Variants in ITGA8 observed in about 807,000 individuals in gnomAD.
ITGA8 encodes the protein integrin subunit alpha 8, also known as integrin alpha-8.
A neutral mutation model predicts 142.3 loss-of-function variants in ITGA8; 91 were observed. The ratio of observed to expected loss-of-function variants is 0.64; its 90% CI spans 0.54 to 0.76. The LOEUF is 0.76. Among genes scored for constraint, ITGA8 ranks in the 30% least tolerant of loss-of-function variants. The probability of loss-of-function intolerance (pLI) is 0.00; values close to 1 mark genes in which losing one functional copy is unlikely to be tolerated. For missense variants in ITGA8, 1,406 were observed against 1,327.7 expected (o/e 1.06, Z -0.92); for synonymous variants, 505 against 485.2 (o/e 1.04, Z -0.54).
At chr10:15,690,173 C>G (rs1161285219) in intron 2 of ITGA8, among the ~76,000 whole-genome samples, 3 of 152,142 alleles carry the variant, frequency 2.0e-5, no homozygotes, top group African/African-American at 7.2e-5. Flanking sequence ...CTGAGGCTCC[C>G]CACCTCCCTG....
chr10:15,645,645 T>C (rs1241133719), intron 12 of ITGA8, among the ~76,000 whole-genome samples: 1 of 152,198 alleles, frequency 6.6e-6, no homozygotes, highest in East Asian at 1.9e-4. Context: ...TGGCCAAATA[T>C]ACTAATGAAT....
At chr10:15,636,949 A>T (rs557434317) in intron 13 of ITGA8, among the ~76,000 whole-genome samples, 1 of 152,328 alleles carries the variant, frequency 6.6e-6, no homozygotes, top group South Asian at 2.1e-4. Flanking sequence ...GTTCGAGACC[A>T]GCCTGGCCAA....
intron 8 of ITGA8, among the ~76,000 whole-genome samples, chr10:15,671,021 A>T (rs12218970): frequency 6.6e-6 from 1 of 152,124 alleles, no homozygotes; most frequent in African/African-American, 2.4e-5. Context: ...TTAGAATTTT[A>T]TCCTAGCACT....
At chr10:15,525,090 C>G (rs1228633470) in intron 28 of ITGA8, among the ~76,000 whole-genome samples, 1 of 152,080 alleles carries the variant, frequency 6.6e-6, no homozygotes, top group East Asian at 1.9e-4. Flanking sequence ...CTCACTGCAG[C>G]CTCCAACTTC....
Position 15,539,439 on chromosome 10 carries a change from C to T in ITGA8, c.2881-8288G>A, listed in dbSNP as rs189984813. 2.2e-3 allele frequency among the ~76,000 whole-genome samples: 335 copies of T among 152,282 alleles called. 1 individual carries two copies. The highest frequency in any genetic ancestry group is 5.2e-3 in the South Asian group (25 of 4,818). On this transcript the variant is annotated intron_variant, in intron 27 of 29. Transcript: ENST00000378076. ...TTGTGGGTTGAGGCCTTGCACTACT[C>T]AGACATTTGACACTATCTCCCCTTT...
At chr10:15,621,828 C>T (rs1833496194) in intron 13 of ITGA8, among the ~76,000 whole-genome samples, 1 of 152,018 alleles carries the variant, frequency 6.6e-6, no homozygotes, top group Non-Finnish European at 1.5e-5. Flanking sequence ...GATGGTGCCA[C>T]TGCACTCCAG....
intron 6 of ITGA8, among the ~76,000 whole-genome samples, chr10:15,676,354 C>T (rs1834630506): frequency 6.6e-6 from 1 of 152,176 alleles, no homozygotes; most frequent in South Asian, 2.1e-4. Context: ...TACCTGGGTT[C>T]ATGGCTCCAT....
At chr10:15,652,344 A>T (rs371116756) in intron 11 of ITGA8, among the ~76,000 whole-genome samples, 5 of 152,210 alleles carry the variant, frequency 3.3e-5, no homozygotes, top group African/African-American at 1.2e-4. Flanking sequence ...GGAAGAGAAC[A>T]CATGGAATGA....
At chr10:15,643,600 G>C (rs1833909514) in intron 13 of ITGA8, among the ~76,000 whole-genome samples, 1 of 152,114 alleles carries the variant, frequency 6.6e-6, no homozygotes, top group Admixed American at 6.6e-5. Flanking sequence ...AAATATTTAT[G>C]CTTTAAAAAC....
At position 15,694,318 on chromosome 10, in the gene ITGA8, T is replaced by TCAGATA. The variant is rs1564412409; in HGVS notation, c.344-6281_344-6280insTATCTG. 4.9e-3 allele frequency among the ~76,000 whole-genome samples: 458 copies of TCAGATA among 94,102 alleles called. 9 individuals carry two copies. Among genetic ancestry groups the TCAGATA allele is most frequent in the African/African-American group, 0.014 (367 of 26,866 alleles). The allele number at this position is 94,102 out of a possible 152,430, so 61.7% of individuals were successfully genotyped here. ...ATCATATATATGATAATATATCATA[T>TCAGATA]ATATGATAATATATCATATATCAGA... On this transcript the variant is annotated intron_variant, in intron 2 of 29. Coordinates refer to ENST00000378076, the MANE Select transcript of ITGA8 (RefSeq NM_003638.3).
At chr10:15,535,128 C>T (rs1052766047) in intron 27 of ITGA8, among the ~76,000 whole-genome samples, 10 of 152,162 alleles carry the variant, frequency 6.6e-5, no homozygotes, top group Admixed American at 1.3e-4. Context: ...GCCGGCCCAC[C>T]GGTGCTGTGC....
intron 11 of ITGA8, 69 bp downstream of exon 11, chr10:15,655,285 G>T: frequency 9.4e-7 from 1 of 1,062,752 alleles, no homozygotes; most frequent in Non-Finnish European, 1.4e-6. Context: ...TGTATTTTGT[G>T]AAGGAAAAAC....
intron 13 of ITGA8, among the ~76,000 whole-genome samples, chr10:15,641,457 A>C (rs1833870032): frequency 6.6e-6 from 1 of 152,214 alleles, no homozygotes; most frequent in Non-Finnish European, 1.5e-5. Flanking sequence ...TCTTCTCTGT[A>C]GGTCCTGGGA....
At chr10:15,693,064 C>T (rs964208396) in intron 2 of ITGA8, among the ~76,000 whole-genome samples, 2 of 151,964 alleles carry the variant, frequency 1.3e-5, no homozygotes, top group African/African-American at 4.8e-5. Context: ...AAGACTCTGT[C>T]TCAAAATAAA....
chr10:15,714,574 T>C (rs967626392), intron 2 of ITGA8, among the ~76,000 whole-genome samples: 2 of 152,200 alleles, frequency 1.3e-5, no homozygotes, highest in Non-Finnish European at 1.5e-5. Flanking sequence ...CATATGCTTC[T>C]AGTATTCATG....
intron 23 of ITGA8, among the ~76,000 whole-genome samples, chr10:15,582,615 TAGA>T (rs750086939): frequency 6.6e-6 from 1 of 152,122 alleles, no homozygotes; most frequent in Non-Finnish European, 1.5e-5. Context: ...AATAAATGGG[TAGA>T]AGATTTGAAG....
Position 15,623,971 on chromosome 10 carries a change from C to T in ITGA8, c.1400-7412G>A, listed in dbSNP as rs78767084. On this transcript the variant is annotated intron_variant, in intron 13 of 29. Transcript: ENST00000378076. ...TGGGTCTAGCTTCTTGCACTCAGCT[C>T]GGTGCATTTGAGATTCATCCACAAT... 4.3e-3 allele frequency among the ~76,000 whole-genome samples: 652 copies of T among 152,284 alleles called. 10 individuals are homozygous for T. The highest frequency in any genetic ancestry group is 0.015 in the African/African-American group (611 of 41,556).
rs192863814 is a variant in ITGA8, at chr10:15,664,120, G to C, written c.848-3198C>G. ...ATTCTCAGAAGAATCTTAGGAGGTA[G>C]ACAATACTATTAGCTCATCATCCTT... On this transcript the variant is annotated intron_variant, in intron 8 of 29. Coordinates refer to ENST00000378076, the MANE Select transcript of ITGA8 (RefSeq NM_003638.3). Among the ~76,000 whole-genome samples the C allele has an allele frequency of 1.4e-3, 211 of 152,238 alleles. 1 individual carries two copies. The highest frequency in any genetic ancestry group is 4.9e-3 in the African/African-American group (204 of 41,530).
rs942512728 is a variant in ITGA8 at position 15,638,446 on chromosome 10, C to T, written c.1399+5584G>A. 2.6e-5 allele frequency among the ~76,000 whole-genome samples: 4 copies of T among 152,156 alleles called. No individual in the cohort carries two copies. The East Asian group carries it at 5.8e-4, about 22-fold the overall frequency. The stretch of plus-strand genomic sequence containing the variant: ...TATTAAAGGTAGATTTCTTAATAGG[C>T]TGCACAGAAAAGGGTTTACATCAGA... On this transcript the variant is annotated intron_variant, in intron 13 of 29. Coordinates refer to ENST00000378076, the MANE Select transcript of ITGA8 (RefSeq NM_003638.3).
Sources: allele counts gnomAD v4.1 joint callset (sites outside exome capture counted in the v4.1 genomes callset), GRCh38; gene constraint gnomAD v4.1.1; transcripts MANE v1.5; gene names NCBI Gene and HGNC (gene_info 2026-07-23, HGNC 2026-07-21).